Variants in NCALD observed in about 807,000 individuals in gnomAD.
NCALD encodes the protein neurocalcin-delta.
Under a neutral mutation model 18.6 loss-of-function variants are expected in NCALD, and 10 were observed. The ratio of observed to expected loss-of-function variants is 0.54; its 90% CI spans 0.33 to 0.91. NCALD has a LOEUF of 0.91. Among genes scored for constraint, NCALD ranks in the 40% least tolerant of loss-of-function variants. NCALD has a pLI of 0.03. For synonymous variants in NCALD, 88 were observed against 87.4 expected (o/e 1.01, Z -0.04); for missense variants, 184 against 247.6 (o/e 0.74, Z 1.72).
rs183462680 is a variant in NCALD at position 101,716,283 on chromosome 8, C to T, written c.378+2969G>A. On this transcript the variant is annotated intron_variant, in intron 2 of 3. Transcript: ENST00000220931. ...GAGTTGAACAATGAGAATATATGGG[C>T]ACAGGGAGGGAAGCAACACACACCG... Among the ~76,000 whole-genome samples, 9 of 151,696 alleles carry T rather than the reference C, an allele frequency of 5.9e-5. No individual in the cohort carries two copies. The East Asian group carries it at 1.7e-3, about 29-fold the overall frequency.
rs903941935 is a variant in NCALD at position 101,863,339 on chromosome 8, G to A, written c.-20+23802C>T. 2.0e-5 allele frequency among the ~76,000 whole-genome samples: 3 copies of A among 152,240 alleles called. No individual in the cohort carries two copies. In the East Asian group the frequency reaches 5.8e-4, roughly 29 times the overall value. On this transcript the variant is annotated intron_variant, in intron 4 of 6. Transcript: ENST00000311028. ...ATCTTGGTTCTGTAATTGCAGGGATGAGGTTTCTTTCCATTTGCCAACTTG... is the reference window on the plus strand; with the variant it reads ...ATCTTGGTTCTGTAATTGCAGGGATAAGGTTTCTTTCCATTTGCCAACTTG...
chr8:101,882,823 C>T (rs371439874), intron 4 of NCALD, among the ~76,000 whole-genome samples: 4 of 152,266 alleles, frequency 2.6e-5, no homozygotes, highest in South Asian at 2.1e-4. Flanking sequence ...AGAAGTCTTC[C>T]AGCAGACCTT....
chr8:101,966,961 T>C (rs1468736297), intron 2 of NCALD, among the ~76,000 whole-genome samples: 1 of 152,120 alleles, frequency 6.6e-6, no homozygotes. Flanking sequence ...GGGGAACAAA[T>C]TAGGATATAA....
At chr8:101,749,280 G>T (rs1810553312) in intron 1 of NCALD, among the ~76,000 whole-genome samples, 1 of 152,134 alleles carries the variant, frequency 6.6e-6, no homozygotes, top group African/African-American at 2.4e-5. Context: ...AAATGGCTCT[G>T]CAGAATGGAT....
chr8:102,047,336 A>AT (rs1823281877), intron 1 of NCALD, among the ~76,000 whole-genome samples: 1 of 152,142 alleles, frequency 6.6e-6, no homozygotes, highest in Admixed American at 6.5e-5. Context: ...TAATTAGCTG[A>AT]TATTTGAAAG....
At position 101,945,066 on chromosome 8, in the gene NCALD, T is replaced by A. The variant is rs541816368; in HGVS notation, c.-156-29208A>T. ...TGTTCGTGTCCTACGTGACATCTGT[T>A]AAGAGGCCTTCTTATTCTTCTTGTT... On this transcript the variant is annotated intron_variant, in intron 2 of 6. Transcript: ENST00000311028. 1.1e-4 allele frequency among the ~76,000 whole-genome samples: 17 copies of A among 152,342 alleles called. No homozygotes were observed. In the South Asian group the frequency reaches 3.3e-3, roughly 30 times the overall value.
At chr8:102,001,095 T>G (rs901318303) in intron 2 of NCALD, among the ~76,000 whole-genome samples, 1 of 152,176 alleles carries the variant, frequency 6.6e-6, no homozygotes, top group Non-Finnish European at 1.5e-5. Flanking sequence ...AGGAGGAAGT[T>G]TGAACCCATG....
chr8:102,107,241 C>CATATATATATATATATATATATAT (rs1825496152), intron 1 of NCALD, among the ~76,000 whole-genome samples: 4 of 67,934 alleles, frequency 5.9e-5, no homozygotes, highest in African/African-American at 2.2e-4. Context: ...TATATATATA[C>CATATATATATATATATATATATAT]ACATAGAAAT....
In NCALD at chr8:101,738,426, C is replaced by T. The variant is rs565445742; in HGVS notation, c.-19-18778G>A. The stretch of plus-strand genomic sequence containing the variant: ...GGGCGTGGTGGCAGGTGCCTGTAAT[C>T]CCAGTTACTCGGGAAGGTGAGGCAG... On this transcript the variant is annotated intron_variant, in intron 1 of 3. Transcript: ENST00000220931. Among the ~76,000 whole-genome samples, 242 of 151,964 alleles carry T rather than the reference C, an allele frequency of 1.6e-3. 3 individuals carry two copies. The highest frequency in any genetic ancestry group is 1.0e-3 in the Non-Finnish European group (68 of 67,978).
chr8:101,907,622 C>A (rs894016457), intron 3 of NCALD, among the ~76,000 whole-genome samples: 2 of 151,286 alleles, frequency 1.3e-5, no homozygotes, highest in South Asian at 2.1e-4. Flanking sequence ...AACTTTGTAT[C>A]CCTCATTTCA....
intron 2 of NCALD, among the ~76,000 whole-genome samples, chr8:102,005,473 TC>T (rs1399139784): frequency 1.3e-5 from 2 of 152,150 alleles, no homozygotes; most frequent in Non-Finnish European, 2.9e-5. Context: ...GTGTGGTGAT[TC>T]CTCAGGGATC....
intron 2 of NCALD, among the ~76,000 whole-genome samples, chr8:101,951,874 C>A (rs886512191): frequency 6.6e-6 from 1 of 152,192 alleles, no homozygotes; most frequent in South Asian, 2.1e-4. Flanking sequence ...AAGTGGCCAG[C>A]ACCCTCCATG....
At chr8:101,896,185 G>A (rs1045558753) in intron 3 of NCALD, among the ~76,000 whole-genome samples, 4 of 151,782 alleles carry the variant, frequency 2.6e-5, no homozygotes, top group African/African-American at 9.7e-5. Context: ...CAATGGAACA[G>A]AACAGAGGCC....
rs551146109 is a variant in NCALD at position 101,771,178 on chromosome 8, G to A, written c.-20+19684C>T. On this transcript the variant is annotated intron_variant, in intron 1 of 3. Transcript: ENST00000220931. ...CCCACAAACAATAACAAGATATGGC[G>A]CCCACACAAGGCAGAGCCTTGGCTA... is the stretch of plus-strand genomic sequence containing the variant. Among the ~76,000 whole-genome samples the A allele has an allele frequency of 5.9e-5, 9 of 152,272 alleles. No individual in the cohort carries two copies. The South Asian group carries it at 1.2e-3, about 21-fold the overall frequency.
At chr8:101,888,721 C>T (rs1281000576) in intron 3 of NCALD, among the ~76,000 whole-genome samples, 1 of 152,112 alleles carries the variant, frequency 6.6e-6, no homozygotes, top group Non-Finnish European at 1.5e-5. Flanking sequence ...CCAGCCTGAA[C>T]TTTCTATTAA....
chr8:101,747,003 TTA>T lies in NCALD; in HGVS notation c.-19-27357_-19-27356del, dbSNP rs141073247. 8.8e-3 allele frequency among the ~76,000 whole-genome samples: 1,342 copies of T among 152,216 alleles called. 18 individuals carry two copies. The highest frequency in any genetic ancestry group is 0.03 in the African/African-American group (1,244 of 41,526). ...AGTAAGAGATATGGCCCAATCTCAA[TTA>T]TGCCATCACCAACACTGCCCTCAAA... On this transcript the variant is annotated intron_variant, in intron 1 of 3. Transcript: ENST00000220931.
intron 1 of NCALD, among the ~76,000 whole-genome samples, chr8:101,723,295 G>A (rs531501738): frequency 3.3e-5 from 5 of 151,940 alleles, no homozygotes; most frequent in South Asian, 2.1e-4. Flanking sequence ...TTATTTCACC[G>A]TCGCCATTTA....
At chr8:101,711,912 T>C (rs1162960025) in intron 2 of NCALD, among the ~76,000 whole-genome samples, 1 of 151,908 alleles carries the variant, frequency 6.6e-6, no homozygotes, top group East Asian at 1.9e-4. Flanking sequence ...ATTCAGGAAA[T>C]ACAGAGAACA....
At chr8:101,773,311 C>T (rs978466366) in intron 1 of NCALD, among the ~76,000 whole-genome samples, 3 of 152,158 alleles carry the variant, frequency 2.0e-5, no homozygotes, top group Admixed American at 6.5e-5. Context: ...CGCACAATAC[C>T]GTGGGTTTGT....
Sources: allele counts gnomAD v4.1 joint callset (sites outside exome capture counted in the v4.1 genomes callset), GRCh38; gene constraint gnomAD v4.1.1; transcripts MANE v1.5; gene names NCBI Gene and HGNC (gene_info 2026-07-23, HGNC 2026-07-21).